ADAMTS9: variants seen among roughly 807,000 people sequenced by gnomAD.
ADAMTS9 encodes the protein ADAM metallopeptidase with thrombospondin type 1 motif 9.
ADAMTS9 carries 107 observed loss-of-function variants against 257.1 expected under a neutral mutation model. The observed-to-expected ratio is 0.42, with a 90% confidence interval of 0.36 to 0.49. ADAMTS9 has a LOEUF of 0.49. Among genes scored for constraint, ADAMTS9 ranks in the 20% least tolerant of loss-of-function variants. ADAMTS9 has a pLI of 0.03. For missense variants in ADAMTS9, 2,353 were observed against 2,469.1 expected (o/e 0.95, Z 1.00); for synonymous variants, 982 against 880.9 (o/e 1.11, Z -2.03).
intron 26 of ADAMTS9, 62 bp from the exon 27 acceptor site, chr3:64,597,053 A>C: frequency 1.3e-6 from 2 of 1,596,854 alleles, no homozygotes; most frequent in Non-Finnish European, 1.7e-6. Context: ...ACACAGAAGC[A>C]GCTGGTTGAA....
At chr3:64,651,269 A>G (rs1700925570) in intron 8 of ADAMTS9, 106 bp from the exon 9 acceptor site, 2 of 939,070 alleles carry the variant, frequency 2.1e-6, no homozygotes, top group South Asian at 4.3e-5. Context: ...ATTTAACTTC[A>G]TTTTGGATAA....
chr3:64,555,498 C>T (rs991202265), intron 30 of ADAMTS9, among the ~76,000 whole-genome samples: 2 of 152,176 alleles, frequency 1.3e-5, no homozygotes, highest in Non-Finnish European at 2.9e-5. Context: ...AGGGTGGCAG[C>T]TATTCCCAAC....
chr3:64,591,185 A>G (rs976961297), intron 28 of ADAMTS9, among the ~76,000 whole-genome samples: 1 of 152,128 alleles, frequency 6.6e-6, no homozygotes, highest in Non-Finnish European at 1.5e-5. Context: ...TCATGTCTGT[A>G]ATCTCAGAAC....
intron 30 of ADAMTS9, 61 bp from the exon 31 acceptor site, chr3:64,551,123 TTA>T: frequency 6.4e-7 from 1 of 1,553,590 alleles, no homozygotes; most frequent in East Asian, 2.3e-5. Flanking sequence ...ATGACTGTAA[TTA>T]TGTGTTTACC....
At chr3:64,575,278 T>C (rs2083810651) in intron 28 of ADAMTS9, among the ~76,000 whole-genome samples, 1 of 152,208 alleles carries the variant, frequency 6.6e-6, no homozygotes, top group South Asian at 2.1e-4. Flanking sequence ...TCCATCTATT[T>C]ATTTTACAAA....
chr3:64,604,197 C>T (rs2084517324), intron 24 of ADAMTS9, 30 bp downstream of exon 24: 2 of 1,604,814 alleles, frequency 1.2e-6, no homozygotes, highest in African/African-American at 2.7e-5. Context: ...CCCATCCTGC[C>T]CTCCCCATTT....
chr3:64,677,323 G>A (rs753717410), intron 3 of ADAMTS9, among the ~76,000 whole-genome samples: 7 of 152,092 alleles, frequency 4.6e-5, no homozygotes, highest in Non-Finnish European at 5.9e-5. Flanking sequence ...ACACTCAAAT[G>A]GCCCAAATGT....
intron 26 of ADAMTS9, among the ~76,000 whole-genome samples, chr3:64,600,015 T>G (rs1314347462): frequency 1.3e-5 from 2 of 151,824 alleles, no homozygotes; most frequent in Non-Finnish European, 2.9e-5. Context: ...ATGAACAGCT[T>G]TGTTTGTTTT....
chr3:64,551,396 A>C (rs113761233), intron 30 of ADAMTS9, among the ~76,000 whole-genome samples: 5 of 152,126 alleles, frequency 3.3e-5, no homozygotes, highest in African/African-American at 1.2e-4. Context: ...TTTTTAGTAG[A>C]GACAGGGTTT....
At position 64,516,738 on chromosome 3, in the gene ADAMTS9, T is replaced by A. The variant is rs1235220800; in HGVS notation, c.*389A>T. On this transcript the variant is annotated 3_prime_UTR_variant, in exon 40 of 40. Transcript: ENST00000498707. ...TAGATTGTTTTAAAAAAATTCATTT[T>A]AAAAAAGTAACAATAAAACATTTAC... 6.5e-6 allele frequency: 1 copy of A among 152,716 alleles called. No homozygotes were observed. Among genetic ancestry groups the A allele is most frequent in the Non-Finnish European group, 1.5e-5 (1 of 68,030 alleles). The allele number at this position is 152,716 out of a possible 1,614,324, so 9.5% of individuals were successfully genotyped here.
chr3:64,612,047 T>C (rs2084673925), intron 22 of ADAMTS9, among the ~76,000 whole-genome samples: 1 of 152,192 alleles, frequency 6.6e-6, no homozygotes, highest in Non-Finnish European at 1.5e-5. Flanking sequence ...CATAAACATG[T>C]TAGCAACAAC....
At chr3:64,618,610 A>G (rs538367419) in intron 19 of ADAMTS9, among the ~76,000 whole-genome samples, 47 of 152,358 alleles carry the variant, frequency 3.1e-4, no homozygotes, top group Admixed American at 5.2e-4. Context: ...GGAGGGAAAC[A>G]GAACCTATTT....
intron 28 of ADAMTS9, chr3:64,589,580 C>T (rs2084221612): frequency 6.6e-6 from 1 of 152,142 alleles, no homozygotes; most frequent in South Asian, 2.1e-4. Flanking sequence ...CAAACGTTAG[C>T]TATTGTTATC....
Position 64,556,714 on chromosome 3 carries a change from T to TTTCCTTCCTTCCTTCCTTCCTTCC in ADAMTS9, c.4698+4840_4698+4863dup, listed in dbSNP as rs59682586. On this transcript the variant is annotated intron_variant, in intron 30 of 39. Transcript: ENST00000498707. ...ATTAGCAGGCACTGTTCTATGTTTT[T>TTTCCTTCCTTCCTTCCTTCCTTCC]TTCCTTCCTTCCTTCCTTCCTTCCT... is the stretch of plus-strand genomic sequence containing the variant. Among the ~76,000 whole-genome samples the TTTCCTTCCTTCCTTCCTTCCTTCC allele has an allele frequency of 4.4e-4, 61 of 138,202 alleles. 1 individual carries two copies. Among genetic ancestry groups the TTTCCTTCCTTCCTTCCTTCCTTCC allele is most frequent in the South Asian group, 7.9e-4 (3 of 3,812 alleles). The allele number at this position is 138,202 out of a possible 152,430, so 90.7% of individuals were successfully genotyped here. A position where few individuals can be genotyped will look rare whatever the true frequency, so the allele number is the denominator to read the frequency against.
intron 4 of ADAMTS9, among the ~76,000 whole-genome samples, chr3:64,658,185 T>C (rs1161513644): frequency 6.6e-6 from 1 of 152,202 alleles, no homozygotes; most frequent in Non-Finnish European, 1.5e-5. Flanking sequence ...GTGACCTAAC[T>C]CCTCTGAGAC....
At chr3:64,633,323 T>C in intron 14 of ADAMTS9, 149 bp downstream of exon 14, 3 of 1,186,752 alleles carry the variant, frequency 2.5e-6, no homozygotes, top group Non-Finnish European at 3.5e-6. Context: ...GTGATATTGA[T>C]GCTGTTGCTG....
At chr3:64,608,258 C>CAAA (rs57247914) in intron 22 of ADAMTS9, among the ~76,000 whole-genome samples, 24 of 53,314 alleles carry the variant, frequency 4.5e-4, no homozygotes, top group African/African-American at 1.4e-3. Flanking sequence ...AAACTAAAAC[C>CAAA]AAAAAAAAAA....
intron 2 of ADAMTS9, among the ~76,000 whole-genome samples, chr3:64,681,687 G>A (rs1358287144): frequency 1.3e-5 from 2 of 152,082 alleles, no homozygotes; most frequent in Non-Finnish European, 2.9e-5. Context: ...GGGATTATAG[G>A]TGCATGCCAT....
chr3:64,635,125 G>T (rs11719363), intron 12 of ADAMTS9, among the ~76,000 whole-genome samples: 30,138 of 152,128 alleles, frequency 0.2, 3,739 homozygotes, highest in Non-Finnish European at 0.27. Context: ...CAGTTGGCTT[G>T]AGCACCCACT....
Sources: allele counts gnomAD v4.1 joint callset (sites outside exome capture counted in the v4.1 genomes callset), GRCh38; gene constraint gnomAD v4.1.1; transcripts MANE v1.5; gene names NCBI Gene and HGNC (gene_info 2026-07-23, HGNC 2026-07-21).